The following RPS6KA5 variants were observed in gnomAD, a reference collection of about 807,000 sequenced individuals.
The protein encoded by RPS6KA5 is ribosomal protein S6 kinase A5, also known as ribosomal protein S6 kinase alpha-5.
In RPS6KA5, 27 loss-of-function variants were observed where a neutral mutation model predicts 85.5. That is an observed-to-expected ratio of 0.32 (90% CI 0.23 to 0.44). The LOEUF is 0.44. Among genes scored for constraint, RPS6KA5 ranks in the 20% least tolerant of loss-of-function variants. RPS6KA5 has a pLI of 1.00. For synonymous variants in RPS6KA5, 334 were observed against 348.2 expected (o/e 0.96, Z 0.46); for missense variants, 811 against 980.9 (o/e 0.83, Z 2.31).
intron 2 of RPS6KA5, among the ~76,000 whole-genome samples, chr14:90,999,146 T>C (rs926862829): frequency 2.6e-5 from 4 of 151,820 alleles, no homozygotes; most frequent in Non-Finnish European, 5.9e-5. Context: ...AGGCAGAAGT[T>C]GCAGTGAGCC....
chr14:90,937,709 TAAAG>T (rs558134863), intron 5 of RPS6KA5, among the ~76,000 whole-genome samples: 87 of 152,144 alleles, frequency 5.7e-4, no homozygotes, highest in African/African-American at 1.9e-3. Flanking sequence ...TGGAAGCAGA[TAAAG>T]AGAGAGAGAA....
At chr14:90,990,806 A>G (rs534312787) in intron 2 of RPS6KA5, among the ~76,000 whole-genome samples, 1 of 152,338 alleles carries the variant, frequency 6.6e-6, no homozygotes, top group African/African-American at 2.4e-5. Flanking sequence ...GATCTCACTT[A>G]TAAGTGGGAG....
At chr14:90,953,748 C>A (rs1400606368) in intron 3 of RPS6KA5, among the ~76,000 whole-genome samples, 1 of 152,160 alleles carries the variant, frequency 6.6e-6, no homozygotes, top group Non-Finnish European at 1.5e-5. Flanking sequence ...GAAATACGCC[C>A]TGGTCTCCTG....
At chr14:90,905,726 G>A (rs891174201) in intron 8 of RPS6KA5, among the ~76,000 whole-genome samples, 10 of 152,156 alleles carry the variant, frequency 6.6e-5, no homozygotes. Flanking sequence ...AAAAGAGGAA[G>A]TGAAGAAATC....
intron 1 of RPS6KA5, among the ~76,000 whole-genome samples, chr14:91,014,501 C>CAAA (rs535160742): frequency 9.0e-5 from 6 of 66,434 alleles, no homozygotes; most frequent in African/African-American, 2.4e-4. Flanking sequence ...GACTCCATCT[C>CAAA]AAAAAAAAAA....
chr14:90,985,712 T>C (rs554821587), intron 2 of RPS6KA5, among the ~76,000 whole-genome samples: 1 of 152,342 alleles, frequency 6.6e-6, no homozygotes, highest in Non-Finnish European at 1.5e-5. Flanking sequence ...AGTCTTATAC[T>C]CCCCTTTCCC....
chr14:91,052,202 C>G (rs758812540), intron 1 of RPS6KA5: 3 of 317,378 alleles, frequency 9.5e-6, no homozygotes, highest in Non-Finnish European at 1.8e-5. Context: ...AATCCCAGCA[C>G]TTTGGGAGGC....
At chr14:91,044,493 C>G (rs2042785250) in intron 1 of RPS6KA5, among the ~76,000 whole-genome samples, 2 of 152,080 alleles carry the variant, frequency 1.3e-5, no homozygotes. Context: ...CCCTTTAAAT[C>G]CGTACCTAGA....
chr14:90,987,770 C>A (rs1224983546), intron 2 of RPS6KA5, among the ~76,000 whole-genome samples: 2 of 152,158 alleles, frequency 1.3e-5, no homozygotes, highest in Non-Finnish European at 2.9e-5. Context: ...TTAAAGAGGA[C>A]ACCAGGGACC....
chr14:91,006,685 A>G (rs1489752630), intron 1 of RPS6KA5, among the ~76,000 whole-genome samples: 1 of 152,234 alleles, frequency 6.6e-6, no homozygotes, highest in Non-Finnish European at 1.5e-5. Flanking sequence ...TGTCTTTGTT[A>G]AAGAAACCTG....
intron 16 of RPS6KA5, among the ~76,000 whole-genome samples, 182 bp from the exon 17 acceptor site, chr14:90,872,504 A>T (rs79246597): frequency 1.1e-4 from 17 of 152,194 alleles, no homozygotes; most frequent in Non-Finnish European, 2.1e-4. Flanking sequence ...AGTTCATGGG[A>T]AAAAAATTCT....
At position 90,902,930 on chromosome 14, in the gene RPS6KA5, C is replaced by T. The variant is rs773482291; in HGVS notation, c.997G>A (p.Ala333Thr). 2.6e-5 allele frequency: 42 copies of T among 1,613,398 alleles called. No homozygotes were observed. Among genetic ancestry groups the T allele is most frequent in the Non-Finnish European group, 3.6e-5 (42 of 1,179,670 alleles). ...TCTCGAATGACTGGCTTAAATGGTG[C>T]AGGCACTTTTTTGGCGGCTAAATCA... is the stretch of plus-strand genomic sequence containing the variant. ...WDDLAAKKVP[A>T]PFKPVIRDEL... is the part of the protein sequence containing the mutation. The change falls in exon 9 of 17, where the codon GCA becomes ACA. Residue 333 changes from alanine (A) to threonine (T), a missense_variant. Coordinates refer to ENST00000614987, the MANE Select transcript of RPS6KA5 (RefSeq NM_004755.4).
At chr14:91,038,871 A>G (rs2042497999) in intron 1 of RPS6KA5, among the ~76,000 whole-genome samples, 1 of 152,178 alleles carries the variant, frequency 6.6e-6, no homozygotes, top group African/African-American at 2.4e-5. Context: ...GAAGGTATAC[A>G]GCTCTTTCAC....
At chr14:90,915,139 A>G (rs1012577778) in intron 7 of RPS6KA5, among the ~76,000 whole-genome samples, 2 of 152,152 alleles carry the variant, frequency 1.3e-5, no homozygotes, top group Admixed American at 1.3e-4. Flanking sequence ...ACTTGTAGTT[A>G]CTCTATACAT....
rs2043623921 is a variant in RPS6KA5 at position 91,060,502 on chromosome 14, C to T, written c.-68G>A. The T allele has an allele frequency of 3.2e-6, 4 of 1,266,602 alleles. No homozygotes were observed. Among genetic ancestry groups the T allele is most frequent in the Non-Finnish European group, 4.0e-6 (4 of 998,318 alleles). 78.5% of individuals were successfully genotyped at this position (1,266,602 alleles called of 1,614,324 possible). A position where few individuals can be genotyped will look rare whatever the true frequency, so the allele number is the denominator to read the frequency against. Reference sequence around the variant, plus strand: ...CCCAGGAGACAGCGGACGCCCGTCCCCTCGCAGCCGCTGCCGCGGCCCCAG... The same window carrying T: ...CCCAGGAGACAGCGGACGCCCGTCCTCTCGCAGCCGCTGCCGCGGCCCCAG... On this transcript the variant is annotated 5_prime_UTR_variant, in exon 1 of 17. Transcript: ENST00000614987.
chr14:90,998,056 A>G (rs1051729351), intron 2 of RPS6KA5, among the ~76,000 whole-genome samples: 1 of 152,032 alleles, frequency 6.6e-6, no homozygotes, highest in African/African-American at 2.4e-5. Context: ...GTGTACTACA[A>G]TATGAATGAA....
At chr14:90,893,894 C>T in intron 13 of RPS6KA5, 5 of 573,460 alleles carry the variant, frequency 8.7e-6, no homozygotes, top group Non-Finnish European at 1.1e-5. Context: ...ACATATAGTT[C>T]TATAAATATT....
At chr14:90,895,474 G>A (rs2034786761) in intron 12 of RPS6KA5, among the ~76,000 whole-genome samples, 1 of 152,008 alleles carries the variant, frequency 6.6e-6, no homozygotes, top group South Asian at 2.1e-4. Flanking sequence ...ACTCACTATG[G>A]GTTTTTGCTT....
In RPS6KA5 at chr14:91,060,394, G is replaced by C; in HGVS notation, c.41C>G (p.Thr14Ser). The C allele has an allele frequency of 6.6e-7, 1 of 1,509,268 alleles. No homozygotes were observed. The highest frequency in any genetic ancestry group is 2.7e-5 in the East Asian group (1 of 37,384). The allele number at this position is 1,509,268 out of a possible 1,614,324, so 93.5% of individuals were successfully genotyped here. ...EGGSSGGAAG[T>S]SADGGDGGEQ... Reference sequence around the variant, plus strand: ...TCCTCCGTCGCCGCCGTCCGCGCTGGTCCCCGCGGCGCCGCCGCTGCTGCC... The same window carrying C: ...TCCTCCGTCGCCGCCGTCCGCGCTGCTCCCCGCGGCGCCGCCGCTGCTGCC... The change falls in exon 1 of 17, where the codon ACC (threonine) becomes AGC (serine). Residue 14 changes from threonine to serine, a missense_variant. Around this residue, in one of 3 missense-constraint regions of RPS6KA5, gnomAD observed 113 missense variants for 100.0 expected, o/e 1.13. Transcript: ENST00000614987.
Sources: allele counts gnomAD v4.1 joint callset (sites outside exome capture counted in the v4.1 genomes callset), GRCh38; gene constraint gnomAD v4.1.1; regional missense constraint gnomAD v4.1.1; transcripts MANE v1.5; gene names NCBI Gene and HGNC (gene_info 2026-07-23, HGNC 2026-07-21).